Variants in COL27A1 observed in about 807,000 individuals in gnomAD.
COL27A1 encodes the protein collagen alpha-1(XXVII) chain.
Under a neutral mutation model 251.3 loss-of-function variants are expected in COL27A1, and 106 were observed. The observed-to-expected ratio is 0.42, with a 90% CI of 0.36 to 0.50. The LOEUF (loss-of-function observed/expected upper bound fraction) is 0.50, where lower values mean the gene tolerates loss of function less well. COL27A1 is among the 20% of genes least tolerant of loss of function. COL27A1 has a pLI of 0.00. For missense variants in COL27A1, 2,325 were observed against 2,522.8 expected, an observed-to-expected ratio of 0.92 and a Z score of 1.68; for synonymous variants, 1,000 against 986.3, an observed-to-expected ratio of 1.01 and a Z score of -0.26.
intron 7 of COL27A1, among the ~76,000 whole-genome samples, chr9:114,201,880 T>C (rs907222524): frequency 6.6e-6 from 1 of 152,208 alleles, no homozygotes. Context: ...TCAATGAGCA[T>C]GTTTCATCCC....
intron 10 of COL27A1, 144 bp downstream of exon 10, chr9:114,206,440 A>G (rs144498431): frequency 3.3e-4 from 265 of 809,504 alleles, no homozygotes; most frequent in Non-Finnish European, 5.0e-4. Context: ...GAGGGGCAGC[A>G]GGAGGGATGG....
chr9:114,196,838 C>G (rs1829172233), intron 7 of COL27A1, among the ~76,000 whole-genome samples: 1 of 152,098 alleles, frequency 6.6e-6, no homozygotes, highest in African/African-American at 2.4e-5. Context: ...CTCCTCCAGC[C>G]TGTGTCTCCC....
At chr9:114,242,056 G>GTGGGCCAGA in intron 21 of COL27A1, 131 bp from the exon 22 acceptor site, 1 of 725,086 alleles carries the variant, frequency 1.4e-6, no homozygotes. Context: ...GGTGGGCCAG[G>GTGGGCCAGA]CGTGCTGTTT....
At chr9:114,213,123 G>C (rs1830474441) in intron 12 of COL27A1, among the ~76,000 whole-genome samples, 1 of 152,228 alleles carries the variant, frequency 6.6e-6, no homozygotes, top group Admixed American at 6.5e-5. Context: ...CACAACCAGA[G>C]CTTTCAACTC....
At chr9:114,270,242 A>G (rs940169042) in intron 35 of COL27A1, among the ~76,000 whole-genome samples, 1 of 152,208 alleles carries the variant, frequency 6.6e-6, no homozygotes, top group Non-Finnish European at 1.5e-5. Context: ...CATTTTTCAG[A>G]TAAAAAAACA....
chr9:114,307,614 G>A, intron 58 of COL27A1, 55 bp from the exon 59 acceptor site: 1 of 1,266,034 alleles, frequency 7.9e-7, no homozygotes, highest in Non-Finnish European at 1.2e-6. Flanking sequence ...ACAGAACCAA[G>A]GAATGGGCTC....
intron 57 of COL27A1, 67 bp downstream of exon 57, chr9:114,304,740 C>T: frequency 7.1e-7 from 1 of 1,413,936 alleles, no homozygotes; most frequent in Non-Finnish European, 1.0e-6. Context: ...TAATGGCCCA[C>T]ATGTGGTCAG....
chr9:114,234,277 C>A (rs1222610206), intron 16 of COL27A1, among the ~76,000 whole-genome samples: 6 of 143,820 alleles, frequency 4.2e-5, no homozygotes, highest in African/African-American at 1.6e-4. Context: ...ACAGGATTTT[C>A]CAAATTGGAA....
At chr9:114,243,810 G>A (rs1832923912) in intron 23 of COL27A1, among the ~76,000 whole-genome samples, 1 of 152,092 alleles carries the variant, frequency 6.6e-6, no homozygotes, top group Non-Finnish European at 1.5e-5. Flanking sequence ...TTTACAAGAT[G>A]GGAAGATGCC....
intron 12 of COL27A1, among the ~76,000 whole-genome samples, chr9:114,214,404 C>T (rs925465407): frequency 2.6e-4 from 39 of 152,164 alleles, no homozygotes; most frequent in African/African-American, 8.4e-4. Context: ...CAGTCTTTCC[C>T]CAGCAGGCAA....
intron 23 of COL27A1, among the ~76,000 whole-genome samples, chr9:114,243,814 A>G (rs1341360975): frequency 1.3e-5 from 2 of 151,970 alleles, no homozygotes; most frequent in African/African-American, 4.8e-5. Context: ...CAAGATGGGA[A>G]GATGCCTGAA....
At chr9:114,198,128 C>T (rs1397247582) in intron 7 of COL27A1, among the ~76,000 whole-genome samples, 2 of 152,250 alleles carry the variant, frequency 1.3e-5, no homozygotes, top group African/African-American at 2.4e-5. Context: ...TTAGCTTCCT[C>T]TTCGTGCTTA....
At position 114,167,633 on chromosome 9, in the gene COL27A1, G is replaced by A; in HGVS notation, c.134-56G>A. On this transcript the variant is annotated intron_variant, in intron 2 of 60. Coordinates refer to ENST00000356083, the MANE Select transcript of COL27A1 (RefSeq NM_032888.4). ...CTGTGCCCCTTAGGGGGTAGGGGGTGGGGTGGGCTGGAGCAGGCCCTGACT... is the reference window on the plus strand; with the variant it reads ...CTGTGCCCCTTAGGGGGTAGGGGGTAGGGTGGGCTGGAGCAGGCCCTGACT... 3.4e-6 allele frequency: 5 copies of A among 1,461,126 alleles called. No individual in the cohort carries two copies. In the Admixed American group the frequency reaches 7.3e-5, roughly 21 times the overall value. 90.5% of individuals were successfully genotyped at this position (1,461,126 alleles called of 1,614,324 possible). A position where few individuals can be genotyped will look rare whatever the true frequency, so the allele number is the denominator to read the frequency against.
chr9:114,190,449 T>C (rs1463741836), intron 5 of COL27A1, among the ~76,000 whole-genome samples: 1 of 152,154 alleles, frequency 6.6e-6, no homozygotes, highest in African/African-American at 2.4e-5. Context: ...TTTTTTGCTT[T>C]TGTGGAGACG....
intron 36 of COL27A1, chr9:114,272,708 T>G (rs1464547910): frequency 6.6e-6 from 1 of 152,242 alleles, no homozygotes; most frequent in East Asian, 1.9e-4. Context: ...ATGGTTTATC[T>G]CTTTCAATCC....
At chr9:114,198,571 G>A (rs1257785090) in intron 7 of COL27A1, among the ~76,000 whole-genome samples, 7 of 152,170 alleles carry the variant, frequency 4.6e-5, no homozygotes, top group African/African-American at 1.7e-4. Context: ...TACCTTCCAT[G>A]GGTTTCTAAG....
intron 20 of COL27A1, 24 bp downstream of exon 20, chr9:114,240,297 C>G (rs1433297444): frequency 1.3e-6 from 2 of 1,587,268 alleles, no homozygotes; most frequent in Admixed American, 3.5e-5. Flanking sequence ...CAGGGCAGCT[C>G]CAGTTGGAGG....
At position 114,265,443 on chromosome 9, in the gene COL27A1, C is replaced by A; in HGVS notation, c.3361C>A (p.Pro1121Thr). 6.2e-7 allele frequency: 1 copy of A among 1,613,888 alleles called. No individual in the cohort carries two copies. The change falls in exon 32 of 61, where the codon CCC (proline) becomes ACC (threonine). Residue 1121 changes from proline (P) to threonine (T), a missense_variant. Transcript: ENST00000356083. ...GFPGIPGPSG[P>T]PGTKGLPGEP... ...GCAGGGCATCCCGGGTCCCTCAGGC[C>A]CCCCAGGCACCAAGGGCCTCCCAGG...
chr9:114,206,717 A>G (rs900855451), intron 10 of COL27A1, among the ~76,000 whole-genome samples: 2 of 152,170 alleles, frequency 1.3e-5, no homozygotes, highest in South Asian at 4.1e-4. Flanking sequence ...TGGTGTGGGA[A>G]TGCTGCCCAA....
Sources: allele counts gnomAD v4.1 joint callset (sites outside exome capture counted in the v4.1 genomes callset), GRCh38; gene constraint gnomAD v4.1.1; transcripts MANE v1.5; gene names NCBI Gene and HGNC (gene_info 2026-07-23, HGNC 2026-07-21).